Variants in C3AR1 observed in about 807,000 individuals in gnomAD.
C3AR1 encodes C3a anaphylatoxin chemotactic receptor.
For synonymous variants in C3AR1, 208 were observed against 225.3 expected (o/e 0.92, Z 0.69); for missense variants, 579 against 583.5 (o/e 0.99, Z 0.08).
chr12:8,060,846 T>TA (rs1178889362), intron 1 of C3AR1, among the ~76,000 whole-genome samples: 1 of 152,236 alleles, frequency 6.6e-6, no homozygotes, highest in Non-Finnish European at 1.5e-5. Flanking sequence ...CCAGTGTGTT[T>TA]AAAAATAAAC....
chr12:8,059,517 C>T lies in C3AR1; in HGVS notation c.669G>A (p.Trp223Ter). The T allele has an allele frequency of 6.2e-7, 1 of 1,614,088 alleles. No individual in the cohort carries two copies. Among genetic ancestry groups the T allele is most frequent in the Non-Finnish European group, 8.5e-7 (1 of 1,180,018 alleles). Residue 223 changes from tryptophan to a stop codon, truncating the protein, a stop_gained, in exon 2 of 2, where the codon TGG (tryptophan) becomes TGA (stop). Transcript: ENST00000307637. LOFTEE classifies it low-confidence loss of function (END_TRUNC). Reference sequence around the variant, plus strand: ...GAGGTTGGAAGACAGTGGGGACTGTCCAAGGATGATCATTTGTTTGGAAAG... The same window carrying T: ...GAGGTTGGAAGACAGTGGGGACTGTTCAAGGATGATCATTTGTTTGGAAAG... ...PSSFQTNDHP[W>*]TVPTVFQPQT...
chr12:8,064,700 AAAG>A (rs1565637867), intron 1 of C3AR1, among the ~76,000 whole-genome samples: 6 of 151,802 alleles, frequency 4.0e-5, no homozygotes, highest in East Asian at 1.9e-4. Flanking sequence ...AAAAAAAAAA[AAAG>A]AAGAAGAAAT....
chr12:8,057,797 T>C lies in C3AR1; in HGVS notation c.*940A>G, dbSNP rs182888543. ...TCCTCCACCCTCTTTCTCCTTCCAC[T>C]TGAAATACTTTCTTAGAAAGTATTC... On this transcript the variant is annotated 3_prime_UTR_variant, in exon 2 of 2. Transcript: ENST00000307637. 6.6e-6 allele frequency among the ~76,000 whole-genome samples: 1 copy of C among 152,258 alleles called. No homozygotes were observed. The highest frequency in any genetic ancestry group is 2.4e-5 in the African/African-American group (1 of 41,534).
Position 8,059,745 on chromosome 12 carries a change from C to T in C3AR1, c.441G>A (p.Trp147Ter). 1 of 1,614,134 alleles carries T rather than the reference C, an allele frequency of 6.2e-7. No individual in the cohort carries two copies. ...GMACSICGCI[W>*]VVAFVMCIPV... Reference sequence around the variant, plus strand: ...GAATGCACATCACAAAAGCCACCACCCAGATACATCCACAGATAGAGCAGG... The same window carrying T: ...GAATGCACATCACAAAAGCCACCACTCAGATACATCCACAGATAGAGCAGG... The change falls in exon 2 of 2, where the codon TGG becomes TGA. Residue 147 changes from tryptophan (W) to a stop codon, truncating the protein, a stop_gained. Coordinates refer to ENST00000307637, the MANE Select transcript of C3AR1 (RefSeq NM_004054.4). LOFTEE classifies it low-confidence loss of function (END_TRUNC).
chr12:8,060,132 C>G lies in C3AR1; in HGVS notation c.54G>C (p.Trp18Cys), dbSNP rs1287693082. 6.2e-7 allele frequency: 1 copy of G among 1,613,964 alleles called. No homozygotes were observed. The highest frequency in any genetic ancestry group is 8.5e-7 in the Non-Finnish European group (1 of 1,179,844). ...TNSTDLLSQPWNEPPVILSMV... is the reference protein window; with the variant it reads ...TNSTDLLSQPCNEPPVILSMV... ...TGGAGAGAATTACTGGGGGCTCATTCCATGGCTGTGAGAGTAGGTCAGTTG... is the reference window on the plus strand; with the variant it reads ...TGGAGAGAATTACTGGGGGCTCATTGCATGGCTGTGAGAGTAGGTCAGTTG... The change falls in exon 2 of 2, where the codon TGG (tryptophan) becomes TGC (cysteine). Residue 18 changes from tryptophan (W) to cysteine (C), a missense_variant. By Grantham distance (215) the Trp-to-Cys change is radical. Coordinates refer to ENST00000307637, the MANE Select transcript of C3AR1 (RefSeq NM_004054.4).
chr12:8,060,930 T>A (rs762811857), intron 1 of C3AR1, among the ~76,000 whole-genome samples: 10 of 152,248 alleles, frequency 6.6e-5, no homozygotes, highest in Non-Finnish European at 1.2e-4. Flanking sequence ...GAAAGGGTTT[T>A]AGGAAGTTCC....
Position 8,065,586 on chromosome 12 carries a change from G to A in C3AR1, c.-11+692C>T, listed in dbSNP as rs543621187. ...GGAGAATCGCTTGAACCTGGGAGGC[G>A]GAGGTTGCAGTGAGCTGAGATCATG... On this transcript the variant is annotated intron_variant, in intron 1 of 1. Coordinates refer to ENST00000307637, the MANE Select transcript of C3AR1 (RefSeq NM_004054.4). Among the ~76,000 whole-genome samples the A allele has an allele frequency of 1.8e-4, 27 of 148,036 alleles. No homozygotes were observed. In the South Asian group the frequency reaches 2.8e-3, roughly 15 times the overall value.
intron 1 of C3AR1, among the ~76,000 whole-genome samples, chr12:8,066,053 A>C (rs531617244): frequency 2.0e-5 from 3 of 151,020 alleles, no homozygotes; most frequent in East Asian, 3.9e-4. Context: ...AAGGAAAGAA[A>C]TGATGTAAAA....
intron 1 of C3AR1, among the ~76,000 whole-genome samples, chr12:8,061,398 A>G (rs887724112): frequency 4.6e-5 from 7 of 152,056 alleles, no homozygotes; most frequent in African/African-American, 1.7e-4. Context: ...TTTAGACAGC[A>G]GGGGCTGTGA....
In C3AR1 at chr12:8,065,116, G is replaced by A. The variant is rs144021561; in HGVS notation, c.-11+1162C>T. 5.3e-3 allele frequency among the ~76,000 whole-genome samples: 779 copies of A among 146,090 alleles called. 6 individuals carry two copies. The highest frequency in any genetic ancestry group is 0.018 in the African/African-American group (711 of 38,590). On this transcript the variant is annotated intron_variant, in intron 1 of 1. Transcript: ENST00000307637. Reference sequence around the variant, plus strand: ...AGGGAGGTTCTTGGATTTCAGGTCCGAGGACTGTTAGGCAAATGCTGTTTT... The same window carrying A: ...AGGGAGGTTCTTGGATTTCAGGTCCAAGGACTGTTAGGCAAATGCTGTTTT...
At chr12:8,064,501 C>G (rs1042701999) in intron 1 of C3AR1, among the ~76,000 whole-genome samples, 1 of 152,134 alleles carries the variant, frequency 6.6e-6, no homozygotes, top group African/African-American at 2.4e-5. Context: ...ACCAGCCTAT[C>G]CAACATGGAG....
In C3AR1 at chr12:8,059,879, CAAT is replaced by C. The variant is rs1209240077; in HGVS notation, c.304_306del (p.Ile102del). On this transcript the variant is annotated inframe_deletion, in exon 2 of 2. Coordinates refer to ENST00000307637, the MANE Select transcript of C3AR1 (RefSeq NM_004054.4). ...AAGACACTGGCAAACATGTTGAGGA[CAAT>C]GATGGAGGGGATGAGCTTGCATAGG... The C allele has an allele frequency of 6.2e-7, 1 of 1,614,144 alleles. No individual in the cohort carries two copies. Among genetic ancestry groups the C allele is most frequent in the South Asian group, 1.1e-5 (1 of 91,080 alleles).
rs1035910313 is a variant in C3AR1 at position 8,059,323 on chromosome 12, G to T, written c.863C>A (p.Ala288Asp). 4 of 1,614,118 alleles carry T rather than the reference G, an allele frequency of 2.5e-6. No homozygotes were observed. The highest frequency in any genetic ancestry group is 3.4e-6 in the Non-Finnish European group (4 of 1,180,046). Residue 288 changes from alanine (A) to aspartate (D), a missense_variant, in exon 2 of 2, where the codon GCT becomes GAT. By Grantham distance (126) the Ala-to-Asp change is moderately radical. Coordinates refer to ENST00000307637, the MANE Select transcript of C3AR1 (RefSeq NM_004054.4). Reference sequence around the variant, plus strand: ...CAGCTTTAAATGAGTAGAGAGAAAAGCATCAGAGTTATCCAGTGGGCTGGT... The same window carrying T: ...CAGCTTTAAATGAGTAGAGAGAAAATCATCAGAGTTATCCAGTGGGCTGGT... ...HETSPLDNSD[A>D]FLSTHLKLFP... is the part of the protein sequence containing the mutation.
chr12:8,063,327 C>T (rs1336447454), intron 1 of C3AR1, among the ~76,000 whole-genome samples: 1 of 152,116 alleles, frequency 6.6e-6, no homozygotes, highest in African/African-American at 2.4e-5. Context: ...CTTCTAAAAA[C>T]CAAATCCAAA....
rs753950088 is a variant in C3AR1 at position 8,065,653 on chromosome 12, C to CAAAAA, written c.-11+620_-11+624dup. ...TGGGCAACAGAGTGAGACTCTGTCT[C>CAAAAA]AAAAAAAAAAAAAAAAAAAAAAAGT... On this transcript the variant is annotated intron_variant, in intron 1 of 1. Coordinates refer to ENST00000307637, the MANE Select transcript of C3AR1 (RefSeq NM_004054.4). Among the ~76,000 whole-genome samples, 11 of 72,308 alleles carry CAAAAA rather than the reference C, an allele frequency of 1.5e-4. 1 individual carries two copies. The highest frequency in any genetic ancestry group is 1.9e-4 in the African/African-American group (4 of 20,722). The allele number at this position is 72,308 out of a possible 152,430, so 47.4% of individuals were successfully genotyped here. A position where few individuals can be genotyped will look rare whatever the true frequency, so the allele number is the denominator to read the frequency against.
At position 8,065,767 on chromosome 12, in the gene C3AR1, TA is replaced by T. The variant is rs11567786; in HGVS notation, c.-11+510del. Among the ~76,000 whole-genome samples, 334 of 151,652 alleles carry T rather than the reference TA, an allele frequency of 2.2e-3. 1 individual carries two copies. The highest frequency in any genetic ancestry group is 7.7e-3 in the African/African-American group (318 of 41,346). On this transcript the variant is annotated intron_variant, in intron 1 of 1. Transcript: ENST00000307637. ...TATGTGTTTAAGATTAGTAGAGGAT[TA>T]AAAAAAATTATTACTAAGTTGACCA...
intron 1 of C3AR1, among the ~76,000 whole-genome samples, chr12:8,060,843 G>A (rs946391391): frequency 3.9e-5 from 6 of 152,182 alleles, no homozygotes; most frequent in Non-Finnish European, 8.8e-5. Context: ...CACCCAGTGT[G>A]TTTAAAAATA....
Position 8,059,784 on chromosome 12 carries a change from G to T in C3AR1, c.402C>A (p.Arg134=), listed in dbSNP as rs1324665079. The part of the protein sequence containing the change: ...VFKPIWCQNH[R]NVGMACSICG... The stretch of plus-strand genomic sequence containing the variant: ...AGATAGAGCAGGCCATCCCTACATT[G>T]CGATGATTCTGACACCAGATTGGCT... Residue 134 remains arginine, a synonymous_variant, in exon 2 of 2, where the codon CGC becomes CGA. Coordinates refer to ENST00000307637, the MANE Select transcript of C3AR1 (RefSeq NM_004054.4). 6.2e-7 allele frequency: 1 copy of T among 1,614,110 alleles called. No individual in the cohort carries two copies. The highest frequency in any genetic ancestry group is 1.3e-5 in the African/African-American group (1 of 75,022).
chr12:8,058,075 C>T lies in C3AR1; in HGVS notation c.*662G>A, dbSNP rs767636592. On this transcript the variant is annotated 3_prime_UTR_variant, in exon 2 of 2. Coordinates refer to ENST00000307637, the MANE Select transcript of C3AR1 (RefSeq NM_004054.4). ...GCTTATTTAGTTGTAATAGTGGAAA[C>T]TCTATGTAATAGTGGAAATTTCTAT... is the stretch of plus-strand genomic sequence containing the variant. Among the ~76,000 whole-genome samples, 42 of 152,284 alleles carry T rather than the reference C, an allele frequency of 2.8e-4. No homozygotes were observed. Among genetic ancestry groups the T allele is most frequent in the Non-Finnish European group, 4.7e-4 (32 of 68,018 alleles).
Sources: allele counts gnomAD v4.1 joint callset (sites outside exome capture counted in the v4.1 genomes callset), GRCh38; gene constraint gnomAD v4.1.1; transcripts MANE v1.5; gene names NCBI Gene and HGNC (gene_info 2026-07-23, HGNC 2026-07-21).